The following TEDC2 variants were observed in gnomAD, a reference collection of about 807,000 sequenced individuals.
TEDC2 encodes tubulin epsilon and delta complex protein 2.
Under a neutral mutation model 48.1 loss-of-function variants are expected in TEDC2, and 49 were observed. That is an observed-to-expected ratio of 1.02 (90% confidence interval 0.81 to 1.29). The LOEUF is 1.29. Ranked by LOEUF, TEDC2 falls within the 50% of genes most tolerant of loss-of-function variation. The pLI is 0.00. For missense variants in TEDC2, 631 were observed against 571.4 expected, an observed-to-expected ratio of 1.10 and a Z score of -1.06; for synonymous variants, 299 against 247.1, an observed-to-expected ratio of 1.21 and a Z score of -1.97.
chr16:2,462,529 C>G lies in TEDC2; in HGVS notation c.862+3C>G. ...CATGAGGGAGGAGCTCTCGGCAGGT[C>G]AGTGGGTCCTGGGTCTGTATCAGGA... On this transcript the variant is annotated splice_donor_region_variant and intron_variant, in intron 7 of 9. Coordinates refer to ENST00000361837, the MANE Select transcript of TEDC2 (RefSeq NM_025108.3). The G allele has an allele frequency of 4.4e-6, 7 of 1,593,380 alleles. No individual in the cohort carries two copies. Among genetic ancestry groups the G allele is most frequent in the South Asian group, 1.1e-5 (1 of 88,510 alleles).
rs746844199 is a variant in TEDC2, at chr16:2,462,240, G to C, written c.750+1G>C. On this transcript the variant is annotated splice_donor_variant, in intron 6 of 9. Coordinates refer to ENST00000361837, the MANE Select transcript of TEDC2 (RefSeq NM_025108.3). LOFTEE classifies it high-confidence loss of function. ...GTTCCTCCAGAACATGCAGACAGCT[G>C]TATCCTTGCTGGGCTTGTGGGAGCC... 6.2e-7 allele frequency: 1 copy of C among 1,613,120 alleles called. No homozygotes were observed. Among genetic ancestry groups the C allele is most frequent in the Non-Finnish European group, 8.5e-7 (1 of 1,179,994 alleles).
chr16:2,462,819 A>C (rs2065475419), intron 8 of TEDC2, 87 bp downstream of exon 8: 1 of 1,267,374 alleles, frequency 7.9e-7, no homozygotes, highest in South Asian at 1.5e-5. Context: ...CGCCTCAGGG[A>C]AGGGTGAGCA....
intron 8 of TEDC2, among the ~76,000 whole-genome samples, chr16:2,463,793 A>G (rs1293026051): frequency 2.0e-5 from 3 of 152,208 alleles, no homozygotes; most frequent in Non-Finnish European, 4.4e-5. Flanking sequence ...AAGGAAAGAC[A>G]ATCTCATAAA....
At position 2,464,670 on chromosome 16, in the gene TEDC2, C is replaced by A. The variant is rs747403882; in HGVS notation, c.*2C>A. Reference sequence around the variant, plus strand: ...CTGCGGGATGAACCTGCAGTCTGAGCCTTTCCCATGCTGCCCTCGGCCTGT... The same window carrying A: ...CTGCGGGATGAACCTGCAGTCTGAGACTTTCCCATGCTGCCCTCGGCCTGT... On this transcript the variant is annotated 3_prime_UTR_variant, in exon 10 of 10. Coordinates refer to ENST00000361837, the MANE Select transcript of TEDC2 (RefSeq NM_025108.3). 2 of 1,612,866 alleles carry A rather than the reference C, an allele frequency of 1.2e-6. No homozygotes were observed. The highest frequency in any genetic ancestry group is 4.5e-5 in the East Asian group (2 of 44,900).
intron 4 of TEDC2, chr16:2,461,535 C>A: frequency 1.5e-6 from 1 of 656,158 alleles, no homozygotes; most frequent in Non-Finnish European, 2.6e-6. Context: ...GCCCCGCTCA[C>A]AGGGCCCCCT....
rs771884687 is a variant in TEDC2 at position 2,462,164 on chromosome 16, C to T, written c.675C>T (p.Leu225=). 5 of 1,613,118 alleles carry T rather than the reference C, an allele frequency of 3.1e-6. No individual in the cohort carries two copies. Among genetic ancestry groups the T allele is most frequent in the Middle Eastern group, 1.6e-4 (1 of 6,084 alleles). Residue 225 remains leucine (L), a synonymous_variant, in exon 6 of 10, where the codon CTC becomes CTT. Transcript: ENST00000361837. ...ASQNSSLWAQ[L]SSTQTSDSTD... ...TGCACCCCAGCCTGTGGGCCCAGCTCAGTTCCACACAGACCAGTGATTCCA... is the reference window on the plus strand; with the variant it reads ...TGCACCCCAGCCTGTGGGCCCAGCTTAGTTCCACACAGACCAGTGATTCCA...
chr16:2,461,951 A>T, intron 5 of TEDC2, 151 bp downstream of exon 5: 1 of 1,197,234 alleles, frequency 8.4e-7, no homozygotes, highest in Non-Finnish European at 1.2e-6. Context: ...CCAGCCGGTC[A>T]GCTTTGTCCC....
chr16:2,464,165 T>G lies in TEDC2; in HGVS notation c.1091T>G (p.Leu364Arg). 6.2e-7 allele frequency: 1 copy of G among 1,612,614 alleles called. No homozygotes were observed. Among genetic ancestry groups the G allele is most frequent in the Non-Finnish European group, 8.5e-7 (1 of 1,179,870 alleles). ...QLLVYSSTQE[L>R]QTLAALKLRV... ...CTTGTCTACTCCAGCACCCAGGAGC[T>G]GCAGACCCTGGCGGCCCTCAAGCTG... Residue 364 changes from leucine to arginine, a missense_variant, in exon 9 of 10, where the codon CTG becomes CGG. By Grantham distance (102) the Leu-to-Arg change is moderately radical. Coordinates refer to ENST00000361837, the MANE Select transcript of TEDC2 (RefSeq NM_025108.3).
At chr16:2,464,384 G>A in intron 9 of TEDC2, 138 bp from the exon 10 acceptor site, 1 of 1,318,846 alleles carries the variant, frequency 7.6e-7, no homozygotes, top group South Asian at 1.4e-5. Context: ...GGTCAGACGG[G>A]GCTGGGACGG....
In TEDC2 at chr16:2,461,547, T is replaced by G. The variant is rs2065466808; in HGVS notation, c.606-200T>G. On this transcript the variant is annotated intron_variant, in intron 4 of 9. Coordinates refer to ENST00000361837, the MANE Select transcript of TEDC2 (RefSeq NM_025108.3). ...AGGGCCCCGCTCACAGGGCCCCCTC[T>G]TCTCTCTAATGGGGCAGCACTGGAC... The G allele has an allele frequency of 1.8e-5, 12 of 665,500 alleles. No homozygotes were observed. The South Asian group carries it at 2.3e-4, about 13-fold the overall frequency. 41.2% of individuals were successfully genotyped at this position (665,500 alleles called of 1,614,324 possible).
At position 2,462,475 on chromosome 16, in the gene TEDC2, C is replaced by A; in HGVS notation, c.811C>A (p.Arg271=). The stretch of plus-strand genomic sequence containing the variant: ...GGTGGAGGCGGAGGCGGGGCGCCTG[C>A]GGAAGGCCTGCTCGCTGCTGAGACT... The part of the protein sequence containing the change: ...VEVEAEAGRL[R]KACSLLRLRM... The change falls in exon 7 of 10, where the codon CGG becomes AGG. Residue 271 remains arginine (R), a synonymous_variant. Transcript: ENST00000361837. The A allele has an allele frequency of 1.2e-6, 2 of 1,610,276 alleles. No homozygotes were observed. The highest frequency in any genetic ancestry group is 2.2e-5 in the East Asian group (1 of 44,874).
In TEDC2 at chr16:2,460,887, G is replaced by A. The variant is rs1322845789; in HGVS notation, c.268G>A (p.Val90Ile). 9.9e-6 allele frequency: 16 copies of A among 1,613,600 alleles called. No homozygotes were observed. The highest frequency in any genetic ancestry group is 1.3e-5 in the Non-Finnish European group (15 of 1,180,014). Reference sequence around the variant, plus strand: ...CCAGGCACTGGAGAAGGCTGTACGAGTTCGAAGAGGCATCACTAAGGCCGG... The same window carrying A: ...CCAGGCACTGGAGAAGGCTGTACGAATTCGAAGAGGCATCACTAAGGCCGG... ...LTQALEKAVR[V>I]RRGITKAGER... The change falls in exon 4 of 10, where the codon GTT becomes ATT. Residue 90 changes from valine to isoleucine, a missense_variant. Transcript: ENST00000361837.
In TEDC2 at chr16:2,461,766, G is replaced by A; in HGVS notation, c.625G>A (p.Ala209Thr). ...CGACAGGCACCTGCTGCGGCTGCCT[G>A]CGGCATTCAGGAAAGCAGCTTCCCA... ...KEKGHLLRLP[A>T]AFRKAASQNS... Residue 209 changes from alanine to threonine, a missense_variant, in exon 5 of 10, where the codon GCG (alanine) becomes ACG (threonine). By Grantham distance (58) the Ala-to-Thr change is moderately conservative. Transcript: ENST00000361837. The A allele has an allele frequency of 6.2e-7, 1 of 1,613,358 alleles. No homozygotes were observed. The highest frequency in any genetic ancestry group is 8.5e-7 in the Non-Finnish European group (1 of 1,180,004).
Position 2,460,816 on chromosome 16 carries a change from C to T in TEDC2, c.197C>T (p.Ala66Val), listed in dbSNP as rs549321659. 9.3e-6 allele frequency: 15 copies of T among 1,610,886 alleles called. No homozygotes were observed. In the South Asian group the frequency reaches 1.3e-4, roughly 14 times the overall value. The change falls in exon 4 of 10, where the codon GCA becomes GTA. Residue 66 changes from alanine (A) to valine (V), a missense_variant and splice_region_variant. Physicochemically the swap from Ala to Val is moderately conservative, Grantham distance 64 (BLOSUM62 0). Coordinates refer to ENST00000361837, the MANE Select transcript of TEDC2 (RefSeq NM_025108.3). ...PETNGEDPLP[A>V]CTPSPQDLKE... ...CCTGCATAATTCTTGGCTTTCACAG[C>T]ATGCACACCCAGTCCACAAGACCTC...
At chr16:2,464,456 C>G (rs555172328) in intron 9 of TEDC2, 66 bp from the exon 10 acceptor site, 2 of 1,472,570 alleles carry the variant, frequency 1.4e-6, no homozygotes, top group African/African-American at 2.8e-5. Flanking sequence ...GCCTCGAAGC[C>G]TGTCCCAGGA....
rs150487803 is a variant in TEDC2, at chr16:2,464,114, C to T, written c.1040C>T (p.Ala347Val). 12 of 1,612,764 alleles carry T rather than the reference C, an allele frequency of 7.4e-6. No individual in the cohort carries two copies. In the East Asian group the frequency reaches 1.3e-4, roughly 18 times the overall value. ...GCCTCGCCGTCCTGTGGGGGTAGAG[C>T]GGAGCCTGCATGGAGCCCCCAGCTG... ...PGASPSCGGR[A>V]EPAWSPQLLV... The change falls in exon 9 of 10, where the codon GCG becomes GTG. Residue 347 changes from alanine (A) to valine (V), a missense_variant. Physicochemically the swap from Ala to Val is moderately conservative, Grantham distance 64 (BLOSUM62 0). Coordinates refer to ENST00000361837, the MANE Select transcript of TEDC2 (RefSeq NM_025108.3).
rs962080129 is a variant in TEDC2, at chr16:2,462,356, G to A, written c.751-59G>A. ...TGGCCAGGGCCACTCCCCAGGCCCC[G>A]TTCTTGGTGGGAGCAGAGGGGCTTT... On this transcript the variant is annotated intron_variant, in intron 6 of 9. Coordinates refer to ENST00000361837, the MANE Select transcript of TEDC2 (RefSeq NM_025108.3). 173 of 1,604,944 alleles carry A rather than the reference G, an allele frequency of 1.1e-4. No individual in the cohort carries two copies. In the Middle Eastern group the frequency reaches 1.5e-3, roughly 14 times the overall value.
Position 2,462,439 on chromosome 16 carries a change from A to G in TEDC2, c.775A>G (p.Ser259Gly), listed in dbSNP as rs1225456387. ...TASGGPQPRL[S>G]AVEVEAEAGR... Reference sequence around the variant, plus strand: ...GTCAGGCGGGCCCCAGCCCAGGCTCAGTGCTGTGGAGGTGGAGGCGGAGGC... The same window carrying G: ...GTCAGGCGGGCCCCAGCCCAGGCTCGGTGCTGTGGAGGTGGAGGCGGAGGC... Residue 259 changes from serine to glycine, a missense_variant, in exon 7 of 10, where the codon AGT (serine) becomes GGT (glycine). Coordinates refer to ENST00000361837, the MANE Select transcript of TEDC2 (RefSeq NM_025108.3). 6.8e-6 allele frequency: 11 copies of G among 1,611,814 alleles called. No homozygotes were observed. The highest frequency in any genetic ancestry group is 9.3e-6 in the Non-Finnish European group (11 of 1,179,714).
rs755368916 is a variant in TEDC2 at position 2,462,620 on chromosome 16, C to G, written c.863-11C>G. 1 of 1,541,028 alleles carries G rather than the reference C, an allele frequency of 6.5e-7. No individual in the cohort carries two copies. The highest frequency in any genetic ancestry group is 1.2e-5 in the South Asian group (1 of 82,758). On this transcript the variant is annotated splice_polypyrimidine_tract_variant and intron_variant, in intron 7 of 9. Coordinates refer to ENST00000361837, the MANE Select transcript of TEDC2 (RefSeq NM_025108.3). The stretch of plus-strand genomic sequence containing the variant: ...CACGGGCCCCACCTGCTCTCCCTGA[C>G]TCTTCTGCAGCCCCCATGGACTGGA...
Sources: gnomAD v4.1 joint callset for allele counts (sites outside exome capture counted in the v4.1 genomes callset) on GRCh38, gnomAD v4.1.1 for gene constraint, MANE v1.5 for transcripts, NCBI Gene and HGNC (gene_info 2026-07-23, HGNC 2026-07-21) for gene names.